Variants in MDGA2 observed in about 807,000 individuals in gnomAD.
MDGA2 encodes the protein MAM domain-containing glycosylphosphatidylinositol anchor protein 2.
In MDGA2, 40 loss-of-function variants were observed where a neutral mutation model predicts 117.8. That is an observed-to-expected ratio of 0.34 (90% CI 0.26 to 0.44). MDGA2 has a LOEUF of 0.44. Ranked by LOEUF, MDGA2 falls within the 20% of genes least tolerant of loss-of-function variation. The probability of loss-of-function intolerance (pLI) is 1.00; values close to 1 mark genes in which losing one functional copy is unlikely to be tolerated. For synonymous variants in MDGA2, 452 were observed against 439.0 expected (o/e 1.03, Z -0.37); for missense variants, 1,123 against 1,250.6 (o/e 0.90, Z 1.54).
chr14:47,470,419 T>C (rs917195563), intron 1 of MDGA2, among the ~76,000 whole-genome samples: 1 of 152,164 alleles, frequency 6.6e-6, no homozygotes, highest in Middle Eastern at 3.2e-3. Flanking sequence ...GCTAGCTTCA[T>C]ACATGTCCCT....
At chr14:47,588,308 ATTTAATGATTAACAT>A (rs1181928822) in intron 1 of MDGA2, among the ~76,000 whole-genome samples, 1 of 148,722 alleles carries the variant, frequency 6.7e-6, no homozygotes, top group African/African-American at 2.5e-5. Context: ...CTCATAAGTA[ATTTAATGATTAACAT>A]TTTGAAAAAC....
chr14:47,463,016 T>C (rs1017989903), intron 1 of MDGA2, among the ~76,000 whole-genome samples: 1 of 152,182 alleles, frequency 6.6e-6, no homozygotes, highest in African/African-American at 2.4e-5. Flanking sequence ...TCTTTGTGTG[T>C]GTGTGTGTGC....
chr14:47,099,607 A>G (rs1880182153), intron 5 of MDGA2, among the ~76,000 whole-genome samples: 2 of 151,890 alleles, frequency 1.3e-5, no homozygotes, highest in African/African-American at 2.4e-5. Context: ...CCAGATGAAA[A>G]GTGTCATGAT....
chr14:46,889,955 C>T (rs990459757), intron 10 of MDGA2, among the ~76,000 whole-genome samples: 1 of 151,966 alleles, frequency 6.6e-6, no homozygotes, highest in Non-Finnish European at 1.5e-5. Context: ...CACTCTATTG[C>T]CTTTCTTTAT....
intron 14 of MDGA2, among the ~76,000 whole-genome samples, chr14:46,869,266 C>A (rs1451859675): frequency 6.6e-6 from 1 of 151,508 alleles, no homozygotes; most frequent in African/African-American, 2.4e-5. Context: ...CTTTACATTG[C>A]ACATTCTTTT....
chr14:47,323,443 T>A (rs146757259), intron 1 of MDGA2, among the ~76,000 whole-genome samples: 96 of 151,638 alleles, frequency 6.3e-4, no homozygotes, highest in African/African-American at 2.2e-3. Flanking sequence ...CTGGCCAATA[T>A]GGAGAAATCC....
chr14:47,563,871 G>A (rs1431189686), intron 1 of MDGA2, among the ~76,000 whole-genome samples: 1 of 151,990 alleles, frequency 6.6e-6, no homozygotes, highest in African/African-American at 2.4e-5. Flanking sequence ...TGTACTGTAT[G>A]TGTTTTTGTA....
At chr14:47,389,612 A>ACACC (rs112587696) in intron 1 of MDGA2, among the ~76,000 whole-genome samples, 28,834 of 147,376 alleles carry the variant, frequency 0.2, 2,871 homozygotes, top group Admixed American at 0.3. Context: ...ACACCCACAC[A>ACACC]CACACACACA....
intron 8 of MDGA2, among the ~76,000 whole-genome samples, chr14:47,000,085 T>C (rs1279463986): frequency 6.6e-6 from 1 of 151,674 alleles, no homozygotes; most frequent in African/African-American, 2.4e-5. Flanking sequence ...ACTGCAATTA[T>C]ATGTATAAAA....
chr14:47,339,639 G>T (rs986648132), intron 1 of MDGA2, among the ~76,000 whole-genome samples: 4 of 152,220 alleles, frequency 2.6e-5, no homozygotes, highest in East Asian at 3.9e-4. Flanking sequence ...TGCACATGCT[G>T]GCTCCCCTTC....
At chr14:47,367,719 T>C (rs375958058) in intron 1 of MDGA2, among the ~76,000 whole-genome samples, 37 of 152,322 alleles carry the variant, frequency 2.4e-4, no homozygotes, top group African/African-American at 8.7e-4. Context: ...CATACGTTTC[T>C]TGACCTCCTA....
chr14:47,013,220 A>G (rs112684299), intron 8 of MDGA2, among the ~76,000 whole-genome samples: 21 of 152,280 alleles, frequency 1.4e-4, no homozygotes, highest in African/African-American at 4.1e-4. Flanking sequence ...TTGAAACCCT[A>G]CCACTGCTTA....
intron 3 of MDGA2, among the ~76,000 whole-genome samples, chr14:47,185,319 C>T (rs1037550806): frequency 2.4e-4 from 36 of 151,276 alleles, no homozygotes; most frequent in East Asian, 2.1e-3. Flanking sequence ...AAACTATATG[C>T]CAGGTGGTGT....
chr14:47,452,219 T>G (rs1893256688), intron 1 of MDGA2, among the ~76,000 whole-genome samples: 1 of 152,176 alleles, frequency 6.6e-6, no homozygotes, highest in East Asian at 1.9e-4. Flanking sequence ...ATGCATGATG[T>G]AGACATTCAA....
intron 1 of MDGA2, among the ~76,000 whole-genome samples, chr14:47,554,057 G>C (rs1439181721): frequency 1.3e-5 from 2 of 152,116 alleles, no homozygotes; most frequent in Admixed American, 6.6e-5. Flanking sequence ...TGAATGTTCA[G>C]TTGCTGAAAT....
intron 1 of MDGA2, among the ~76,000 whole-genome samples, chr14:47,438,803 C>T (rs1194110869): frequency 6.6e-6 from 1 of 152,080 alleles, no homozygotes; most frequent in Non-Finnish European, 1.5e-5. Flanking sequence ...CAAGCTCTAT[C>T]AGGGAAAGGA....
In MDGA2 at chr14:47,264,737, G is replaced by GGTATACACGTGCCATGGTA. The variant is rs999627840; in HGVS notation, c.420+36655_420+36673dup. 1.1e-4 allele frequency among the ~76,000 whole-genome samples: 17 copies of GGTATACACGTGCCATGGTA among 151,224 alleles called. No individual in the cohort carries two copies. The East Asian group carries it at 2.0e-3, about 17-fold the overall frequency. ...GCAGAATGTGCAGGTTTGTTACATA[G>GGTATACACGTGCCATGGTA]GTATACACGTGCCATGGTAGTATAC... On this transcript the variant is annotated intron_variant, in intron 2 of 16. Transcript: ENST00000399232.
intron 8 of MDGA2, among the ~76,000 whole-genome samples, chr14:46,990,778 G>C (rs1887057239): frequency 6.6e-6 from 1 of 151,628 alleles, no homozygotes; most frequent in Non-Finnish European, 1.5e-5. Context: ...ATAGCAATGT[G>C]CTTACTAATC....
At chr14:47,281,043 T>C (rs1358867389) in intron 2 of MDGA2, among the ~76,000 whole-genome samples, 3 of 147,894 alleles carry the variant, frequency 2.0e-5, no homozygotes, top group Non-Finnish European at 4.5e-5. Flanking sequence ...TAATATAATA[T>C]AAAATTAACA....
Sources: gnomAD v4.1 joint callset for allele counts (sites outside exome capture counted in the v4.1 genomes callset) on GRCh38, gnomAD v4.1.1 for gene constraint, MANE v1.5 for transcripts, NCBI Gene and HGNC (gene_info 2026-07-23, HGNC 2026-07-21) for gene names.